AGBL1: variants seen among roughly 807,000 people sequenced by gnomAD.
AGBL1 encodes cytosolic carboxypeptidase 4.
A neutral mutation model predicts 118.9 loss-of-function variants in AGBL1; 130 were observed. That is an observed-to-expected ratio of 1.09 (90% CI 0.95 to 1.26). The LOEUF (loss-of-function observed/expected upper bound fraction) is 1.26, where lower values mean the gene tolerates loss of function less well. Ranked by LOEUF, AGBL1 falls within the 50% of genes most tolerant of loss-of-function variation. The pLI is 0.00. For synonymous variants in AGBL1, 555 were observed against 478.9 expected, an observed-to-expected ratio of 1.16 and a Z score of -2.08; for missense variants, 1,584 against 1,298.1, an observed-to-expected ratio of 1.22 and a Z score of -3.38.
chr15:86,228,417 C>T (rs1334124888), intron 6 of AGBL1, among the ~76,000 whole-genome samples: 4 of 152,126 alleles, frequency 2.6e-5, no homozygotes, highest in East Asian at 3.9e-4. Flanking sequence ...CCATTGTAAT[C>T]GTTCTCTGTA....
At chr15:86,371,843 G>T (rs1452558134) in intron 17 of AGBL1, among the ~76,000 whole-genome samples, 1 of 152,198 alleles carries the variant, frequency 6.6e-6, no homozygotes, top group Non-Finnish European at 1.5e-5. Context: ...GCACAATTTT[G>T]GTTGGCTGTG....
At chr15:86,210,919 C>T (rs2078085159) in intron 5 of AGBL1, among the ~76,000 whole-genome samples, 1 of 152,300 alleles carries the variant, frequency 6.6e-6, no homozygotes, top group African/African-American at 2.4e-5. Flanking sequence ...GAATTTTCAG[C>T]TTTTCTGCTC....
Position 86,907,240 on chromosome 15 carries a change from TG to T in AGBL1, c.3313del (p.Glu1105ArgfsTer77), listed in dbSNP as rs1241630438. 6.6e-6 allele frequency: 1 copy of T among 152,168 alleles called. No homozygotes were observed. Among genetic ancestry groups the T allele is most frequent in the Non-Finnish European group, 1.5e-5 (1 of 68,162 alleles). 9.4% of individuals were successfully genotyped at this position (152,168 alleles called of 1,614,324 possible). On this transcript the variant is annotated frameshift_variant, in exon 23 of 23. Transcript: ENST00000614907. LOFTEE classifies it low-confidence loss of function (END_TRUNC). ...TCCAGGAGTGTGCCTTCAATAAGTTTGAGGGAGAGGAAGAAGAGGAGGCACC... is the reference window on the plus strand; with the variant it reads ...TCCAGGAGTGTGCCTTCAATAAGTTTAGGGAGAGGAAGAAGAGGAGGCACC... The part of the protein sequence containing the change: ...RIQECAFNKF[E>X]GEEEEEAPGQ...
chr15:86,983,155 T>G (rs980672297), intron 23 of AGBL1, among the ~76,000 whole-genome samples: 75 of 152,214 alleles, frequency 4.9e-4, no homozygotes, highest in African/African-American at 1.8e-3. Context: ...TTGACCTTCT[T>G]TTTGAATGTA....
At chr15:86,292,417 T>G (rs1766124415) in intron 16 of AGBL1, among the ~76,000 whole-genome samples, 1 of 152,106 alleles carries the variant, frequency 6.6e-6, no homozygotes, top group Non-Finnish European at 1.5e-5. Context: ...CCAAAAGGAA[T>G]GCAGCCCTAC....
chr15:86,689,513 C>G (rs2086124712), intron 22 of AGBL1, among the ~76,000 whole-genome samples: 2 of 152,090 alleles, frequency 1.3e-5, no homozygotes, highest in Non-Finnish European at 2.9e-5. Flanking sequence ...AGCCTCTCAT[C>G]CTGTATTTAT....
At chr15:86,083,172 TGG>T (rs1343459422) in intron 1 of AGBL1, among the ~76,000 whole-genome samples, 3 of 152,042 alleles carry the variant, frequency 2.0e-5, no homozygotes, top group Non-Finnish European at 4.4e-5. Context: ...GCTTTTTTCC[TGG>T]GTGGACTCCA....
intron 1 of AGBL1, among the ~76,000 whole-genome samples, chr15:86,081,662 T>C (rs1159412967): frequency 6.6e-6 from 1 of 152,198 alleles, no homozygotes; most frequent in African/African-American, 2.4e-5. Context: ...AATAACCAGG[T>C]ACAATAAGCT....
chr15:86,420,961 G>A (rs1210096401), intron 18 of AGBL1, among the ~76,000 whole-genome samples: 3 of 152,206 alleles, frequency 2.0e-5, no homozygotes, highest in African/African-American at 7.2e-5. Context: ...GGGACTATGT[G>A]AAAAGATCAA....
chr15:86,562,213 C>T (rs2083835561), intron 21 of AGBL1, among the ~76,000 whole-genome samples: 1 of 151,804 alleles, frequency 6.6e-6, no homozygotes, highest in South Asian at 2.1e-4. Context: ...GCATCCCTGT[C>T]TTGTGCCAGT....
intron 24 of AGBL1, among the ~76,000 whole-genome samples, chr15:87,002,119 A>G (rs1567281100): frequency 6.6e-6 from 1 of 152,028 alleles, no homozygotes; most frequent in Non-Finnish European, 1.5e-5. Flanking sequence ...TAGGTCTAAC[A>G]TTTAAGTCTT....
At chr15:86,341,985 A>G (rs1475338522) in intron 17 of AGBL1, among the ~76,000 whole-genome samples, 1 of 152,214 alleles carries the variant, frequency 6.6e-6, no homozygotes, top group Non-Finnish European at 1.5e-5. Context: ...AGATGTTAAA[A>G]TAAGTAATTA....
At chr15:87,008,063 G>A (rs1292177137) in intron 24 of AGBL1, among the ~76,000 whole-genome samples, 1 of 152,190 alleles carries the variant, frequency 6.6e-6, no homozygotes, top group Non-Finnish European at 1.5e-5. Flanking sequence ...GTGTCAACTT[G>A]ACTGGATTAA....
At chr15:86,778,465 C>T (rs574843590) in intron 22 of AGBL1, among the ~76,000 whole-genome samples, 71 of 152,164 alleles carry the variant, frequency 4.7e-4, no homozygotes, top group African/African-American at 1.6e-3. Flanking sequence ...CTGTAAAAGA[C>T]GGCCACCCCC....
chr15:86,399,588 G>T (rs1024688062), intron 18 of AGBL1, among the ~76,000 whole-genome samples: 1 of 152,136 alleles, frequency 6.6e-6, no homozygotes, highest in African/African-American at 2.4e-5. Flanking sequence ...TCTGGAAAAG[G>T]TCTCAGAAAC....
At chr15:86,328,710 A>T (rs557587061) in intron 17 of AGBL1, among the ~76,000 whole-genome samples, 1 of 152,112 alleles carries the variant, frequency 6.6e-6, no homozygotes, top group East Asian at 1.9e-4. Flanking sequence ...TCCCTCTGTG[A>T]CTCACCTTTC....
At chr15:86,989,894 G>C (rs2081321830) in intron 24 of AGBL1, among the ~76,000 whole-genome samples, 1 of 152,196 alleles carries the variant, frequency 6.6e-6, no homozygotes, top group Non-Finnish European at 1.5e-5. Flanking sequence ...CCCTGTGGCA[G>C]AAAGAAGTTG....
intron 23 of AGBL1, among the ~76,000 whole-genome samples, chr15:86,953,605 G>C (rs552365088): frequency 1.3e-5 from 2 of 152,076 alleles, no homozygotes; most frequent in South Asian, 4.2e-4. Flanking sequence ...TGGCCAGGCT[G>C]TTCTCAAACT....
intron 22 of AGBL1, among the ~76,000 whole-genome samples, chr15:86,784,442 T>G (rs1291648587): frequency 6.6e-6 from 1 of 152,226 alleles, no homozygotes; most frequent in Non-Finnish European, 1.5e-5. Context: ...CGGATTTTAC[T>G]GTGAATAAAA....
Sources: gnomAD v4.1 joint callset for allele counts (sites outside exome capture counted in the v4.1 genomes callset) on GRCh38, gnomAD v4.1.1 for gene constraint, MANE v1.5 for transcripts, NCBI Gene and HGNC (gene_info 2026-07-23, HGNC 2026-07-21) for gene names.